Variants in TMX2 observed in about 807,000 individuals in gnomAD.
TMX2 encodes the protein thioredoxin-related transmembrane protein 2.
TMX2 carries 20 observed loss-of-function variants against 33.4 expected under a neutral mutation model. The ratio of observed to expected loss-of-function variants is 0.60; its 90% CI spans 0.42 to 0.87. The LOEUF is 0.87. Ranked by LOEUF, TMX2 falls within the 40% of genes least tolerant of loss-of-function variation. The pLI is 0.00. For missense variants in TMX2, 340 were observed against 370.7 expected, an observed-to-expected ratio of 0.92 and a Z score of 0.68; for synonymous variants, 166 against 140.7, an observed-to-expected ratio of 1.18 and a Z score of -1.27.
At chr11:57,716,034 TC>T (rs1223530332) in intron 1 of TMX2, among the ~76,000 whole-genome samples, 1 of 151,986 alleles carries the variant, frequency 6.6e-6, no homozygotes, top group Non-Finnish European at 1.5e-5. Flanking sequence ...TCCCCACCTT[TC>T]CCCCCTTTCT....
At chr11:57,715,546 A>C (rs1159528505) in intron 1 of TMX2, among the ~76,000 whole-genome samples, 4 of 150,430 alleles carry the variant, frequency 2.7e-5, no homozygotes, top group Non-Finnish European at 5.9e-5. Context: ...GACAAGATAA[A>C]ATTTCCATAA....
intron 1 of TMX2, among the ~76,000 whole-genome samples, chr11:57,726,395 A>G (rs1225588705): frequency 6.6e-6 from 1 of 152,094 alleles, no homozygotes; most frequent in Non-Finnish European, 1.5e-5. Context: ...CCTGGGCGAC[A>G]GAGCCAGACT....
intron 1 of TMX2, among the ~76,000 whole-genome samples, chr11:57,720,134 C>CAAAA (rs59914635): frequency 1.6e-5 from 2 of 128,142 alleles, no homozygotes; most frequent in Admixed American, 7.7e-5. Context: ...ACTAAAAATA[C>CAAAA]AAAAAAAAAA....
chr11:57,738,370 C>G lies in TMX2; in HGVS notation c.381C>G (p.Cys127Trp). The G allele has an allele frequency of 6.2e-7, 1 of 1,610,522 alleles. No homozygotes were observed. Among genetic ancestry groups the G allele is most frequent in the East Asian group, 2.2e-5 (1 of 44,854 alleles). ...ITLCIVFLMT[C>W]KPPLYMGPEY... is the part of the protein sequence containing the mutation. ...TGTATTTAGTGTTCCTGATGACGTG[C>G]AAACCCCCCCTATATATGGGCCCTG... Residue 127 changes from cysteine to tryptophan, a missense_variant, in exon 4 of 8, where the codon TGC (cysteine) becomes TGG (tryptophan). Transcript: ENST00000278422.
intron 1 of TMX2, among the ~76,000 whole-genome samples, chr11:57,731,111 GTTTTTTGTTTTTTGTTTTTTTTTTT>G (rs1948360272): frequency 9.5e-6 from 1 of 104,822 alleles, no homozygotes; most frequent in Non-Finnish European, 1.9e-5. Context: ...CACTCTTTCC[GTTTTTTGTTTTTTGTTTTTTTTTTT>G]TTTTTTTTTT....
intron 1 of TMX2, among the ~76,000 whole-genome samples, chr11:57,737,320 G>A (rs1253030635): frequency 4.6e-5 from 7 of 151,702 alleles, no homozygotes; most frequent in Middle Eastern, 3.4e-3. Context: ...CCTGGGAGGC[G>A]GAGGTTGCAG....
At chr11:57,720,403 A>G (rs1425352702) in intron 1 of TMX2, among the ~76,000 whole-genome samples, 1 of 152,174 alleles carries the variant, frequency 6.6e-6, no homozygotes, top group Non-Finnish European at 1.5e-5. Flanking sequence ...ATTCAAAACA[A>G]AACTTTTTCT....
chr11:57,739,408 T>A, intron 7 of TMX2, 148 bp downstream of exon 7: 1 of 747,560 alleles, frequency 1.3e-6, no homozygotes, highest in Non-Finnish European at 2.2e-6. Flanking sequence ...TTAATTCATT[T>A]AGCAAATATA....
chr11:57,723,716 T>C (rs984611669), intron 1 of TMX2, among the ~76,000 whole-genome samples: 8 of 151,118 alleles, frequency 5.3e-5, no homozygotes, highest in Non-Finnish European at 1.0e-4. Context: ...GATGGGAGAA[T>C]TGCTTGAACC....
intron 1 of TMX2, among the ~76,000 whole-genome samples, chr11:57,725,309 A>T (rs1030790445): frequency 1.3e-5 from 2 of 152,140 alleles, no homozygotes; most frequent in Non-Finnish European, 2.9e-5. Flanking sequence ...TAGAAACATG[A>T]ATCTCCCTCA....
At chr11:57,729,732 T>C (rs1948235533) in intron 1 of TMX2, among the ~76,000 whole-genome samples, 1 of 150,724 alleles carries the variant, frequency 6.6e-6, no homozygotes, top group African/African-American at 2.5e-5. Flanking sequence ...GCATACCTAA[T>C]AAGTCTATAT....
intron 1 of TMX2, among the ~76,000 whole-genome samples, chr11:57,716,948 G>A (rs1233934567): frequency 6.6e-6 from 1 of 151,596 alleles, no homozygotes; most frequent in African/African-American, 2.4e-5. Context: ...TTCTCAGATG[G>A]GGCGGATGCT....
intron 1 of TMX2, 135 bp downstream of exon 1, chr11:57,712,942 T>C: frequency 1.1e-6 from 1 of 904,864 alleles, no homozygotes; most frequent in East Asian, 2.6e-5. Context: ...GACTATTAAG[T>C]GCAGGGTCCG....
intron 1 of TMX2, among the ~76,000 whole-genome samples, chr11:57,731,125 G>GTTTTTTTTTTTTTTTTTTTTTTT (rs757832822): frequency 1.2e-5 from 1 of 85,820 alleles, no homozygotes; most frequent in Non-Finnish European, 2.2e-5. Context: ...TTTGTTTTTT[G>GTTTTTTTTTTTTTTTTTTTTTTT]TTTTTTTTTT....
At chr11:57,728,421 G>A (rs969064435) in intron 1 of TMX2, among the ~76,000 whole-genome samples, 3 of 152,144 alleles carry the variant, frequency 2.0e-5, no homozygotes, top group Admixed American at 6.6e-5. Flanking sequence ...CCTCAGAGAA[G>A]ACTCAGAACC....
rs1313492288 is a variant in TMX2, at chr11:57,722,875, G to T, written c.189+10068G>T. Among the ~76,000 whole-genome samples, 3 of 152,204 alleles carry T rather than the reference G, an allele frequency of 2.0e-5. No homozygotes were observed. In the East Asian group the frequency reaches 5.8e-4, roughly 29 times the overall value. On this transcript the variant is annotated intron_variant, in intron 1 of 7. Coordinates refer to ENST00000278422, the MANE Select transcript of TMX2 (RefSeq NM_015959.4). Reference sequence around the variant, plus strand: ...AGCCTATAATCCCAGCACTTTGGGAGGCTGAGACGGGTGGATCACCTGAAC... The same window carrying T: ...AGCCTATAATCCCAGCACTTTGGGATGCTGAGACGGGTGGATCACCTGAAC...
Position 57,737,634 on chromosome 11 carries a change from CAG to C in TMX2, c.217_218del (p.Ser73CysfsTer24). The C allele has an allele frequency of 6.2e-7, 1 of 1,614,132 alleles. No homozygotes were observed. Among genetic ancestry groups the C allele is most frequent in the Non-Finnish European group, 8.5e-7 (1 of 1,179,982 alleles). ...GAGAAGTGGAGATCCTGATGTTTCT[CAG>C]TGCCATTGTGATGATGAAGAACCGC... ...WREVEILMFL[S>X]AIVMMKNRRS... is the part of the protein sequence containing the mutation. On this transcript the variant is annotated frameshift_variant, in exon 2 of 8. Transcript: ENST00000278422. LOFTEE classifies it high-confidence loss of function.
intron 1 of TMX2, among the ~76,000 whole-genome samples, chr11:57,732,186 C>G (rs1948447821): frequency 6.6e-6 from 1 of 152,078 alleles, no homozygotes; most frequent in South Asian, 2.1e-4. Context: ...TGCCTTTTGT[C>G]AGCTCATTTT....
At chr11:57,722,280 G>T (rs980553886) in intron 1 of TMX2, among the ~76,000 whole-genome samples, 16 of 152,174 alleles carry the variant, frequency 1.1e-4, no homozygotes, top group Admixed American at 7.9e-4. Context: ...AGGATTACAG[G>T]TGTGAGCCAC....
Sources: gnomAD v4.1 joint callset for allele counts (sites outside exome capture counted in the v4.1 genomes callset) on GRCh38, gnomAD v4.1.1 for gene constraint, MANE v1.5 for transcripts, NCBI Gene and HGNC (gene_info 2026-07-23, HGNC 2026-07-21) for gene names.